Variants in ZNRF1 observed in about 807,000 individuals in gnomAD.
The protein encoded by ZNRF1 is zinc and ring finger 1.
A neutral mutation model predicts 18.4 loss-of-function variants in ZNRF1; 3 were observed. That is an observed-to-expected ratio of 0.16 (90% CI 0.07 to 0.42). The LOEUF (loss-of-function observed/expected upper bound fraction) is 0.42, where lower values mean the gene tolerates loss of function less well. Ranked by LOEUF, ZNRF1 falls within the 10% of genes least tolerant of loss-of-function variation. ZNRF1 has a pLI of 0.99. For synonymous variants in ZNRF1, 157 were observed against 144.2 expected (o/e 1.09, Z -0.64); for missense variants, 310 against 329.8 (o/e 0.94, Z 0.47).
chr16:75,093,681 C>G lies in ZNRF1; in HGVS notation c.520+14C>G, dbSNP rs781553854. On this transcript the variant is annotated intron_variant, in intron 2 of 4. Transcript: ENST00000335325. ...TCTCCTACAACGGTAAGGGCTTGGCCTGCCTCACCAGCCTCCAGAGCATCC... is the reference window on the plus strand; with the variant it reads ...TCTCCTACAACGGTAAGGGCTTGGCGTGCCTCACCAGCCTCCAGAGCATCC... The G allele has an allele frequency of 1.9e-6, 3 of 1,607,388 alleles. No individual in the cohort carries two copies. Among genetic ancestry groups the G allele is most frequent in the African/African-American group, 2.7e-5 (2 of 74,776 alleles).
intron 1 of ZNRF1, among the ~76,000 whole-genome samples, chr16:75,010,711 G>GTTTTTGTTTTTTTTTTTTTTTTTTT (rs2034986440): frequency 1.3e-5 from 1 of 74,324 alleles, no homozygotes; most frequent in Non-Finnish European, 3.1e-5. Flanking sequence ...GTTTTTTTTT[G>GTTTTTGTTTTTTTTTTTTTTTTTTT]TTTTTTTGTT....
At chr16:75,076,184 A>G (rs2035938756) in intron 1 of ZNRF1, among the ~76,000 whole-genome samples, 1 of 152,212 alleles carries the variant, frequency 6.6e-6, no homozygotes, top group Admixed American at 6.5e-5. Context: ...TGTTATTGAC[A>G]TATCTATTAT....
chr16:75,000,355 TC>T (rs1280255123), intron 1 of ZNRF1: 1 of 663,534 alleles, frequency 1.5e-6, no homozygotes, highest in East Asian at 3.0e-5. Context: ...CTATTGGAGT[TC>T]CATTTATTGG....
At chr16:75,040,006 A>G (rs2145360141) in intron 1 of ZNRF1, among the ~76,000 whole-genome samples, 1 of 151,144 alleles carries the variant, frequency 6.6e-6, no homozygotes, top group South Asian at 2.1e-4. Context: ...TAGTTATGAA[A>G]CCATCACTAA....
At chr16:75,070,231 T>C (rs8058799) in intron 1 of ZNRF1, among the ~76,000 whole-genome samples, 47,375 of 152,058 alleles carry the variant, frequency 0.31, 8,532 homozygotes, top group East Asian at 0.66. Context: ...GGGACCTTCA[T>C]GTTTGGCAGG....
chr16:75,071,311 G>T (rs1290332610), intron 1 of ZNRF1, among the ~76,000 whole-genome samples: 1 of 152,120 alleles, frequency 6.6e-6, no homozygotes, highest in African/African-American at 2.4e-5. Flanking sequence ...TGTTGGCCTG[G>T]CTGGTCTCGA....
intron 1 of ZNRF1, among the ~76,000 whole-genome samples, chr16:75,025,276 G>A (rs2035205885): frequency 6.6e-6 from 1 of 152,038 alleles, no homozygotes; most frequent in Non-Finnish European, 1.5e-5. Context: ...CACAGTGTTA[G>A]CCAGGATAGT....
chr16:75,096,512 A>AG (rs2036201668), intron 2 of ZNRF1, among the ~76,000 whole-genome samples: 1 of 152,166 alleles, frequency 6.6e-6, no homozygotes, highest in Admixed American at 6.6e-5. Context: ...ATTTAAAAAA[A>AG]GACTTAAGAG....
At chr16:75,049,457 G>T (rs944164479) in intron 1 of ZNRF1, among the ~76,000 whole-genome samples, 3 of 152,092 alleles carry the variant, frequency 2.0e-5, no homozygotes, top group Non-Finnish European at 2.9e-5. Flanking sequence ...CTCCCGAGCA[G>T]CTGGGACCAC....
At chr16:75,043,175 T>C (rs915505551) in intron 1 of ZNRF1, among the ~76,000 whole-genome samples, 2 of 152,212 alleles carry the variant, frequency 1.3e-5, no homozygotes, top group African/African-American at 2.4e-5. Context: ...TTTATACCAA[T>C]GAGTTTCTAA....
intron 1 of ZNRF1, among the ~76,000 whole-genome samples, chr16:75,029,242 G>C (rs538533945): frequency 6.6e-6 from 1 of 152,052 alleles, no homozygotes; most frequent in Non-Finnish European, 1.5e-5. Flanking sequence ...CACCTTCCGG[G>C]TTCACGCCAT....
chr16:75,074,181 G>A (rs1042687188), intron 1 of ZNRF1, among the ~76,000 whole-genome samples: 8 of 152,288 alleles, frequency 5.3e-5, no homozygotes, highest in South Asian at 2.1e-4. Context: ...GTCCGTGACC[G>A]TTGCTAGACC....
chr16:75,099,812 C>G (rs1179250732), intron 2 of ZNRF1, among the ~76,000 whole-genome samples: 1 of 152,146 alleles, frequency 6.6e-6, no homozygotes, highest in Admixed American at 6.5e-5. Context: ...GCAGCAGGTT[C>G]GTGTCAGATG....
intron 1 of ZNRF1, among the ~76,000 whole-genome samples, chr16:75,058,050 C>T (rs191833295): frequency 6.6e-6 from 1 of 152,114 alleles, no homozygotes; most frequent in Admixed American, 6.5e-5. Context: ...CGCATTCCAT[C>T]CTTTCTGGTC....
At chr16:75,073,146 C>CTCTCTCTCTGTCTCTG (rs146902791) in intron 1 of ZNRF1, among the ~76,000 whole-genome samples, 13 of 128,662 alleles carry the variant, frequency 1.0e-4, no homozygotes, top group African/African-American at 1.5e-4. Flanking sequence ...CTCTCTCTCT[C>CTCTCTCTCTGTCTCTG]TCTCTCTGTC....
chr16:75,093,454 G>T, intron 1 of ZNRF1, 118 bp from the exon 2 acceptor site: 1 of 721,480 alleles, frequency 1.4e-6, no homozygotes, highest in Non-Finnish European at 2.5e-6. Flanking sequence ...GGTCTGTTCT[G>T]ATGGTCATCC....
intron 1 of ZNRF1, 53 bp from the exon 2 acceptor site, chr16:75,093,519 G>A: frequency 1.4e-6 from 2 of 1,416,476 alleles, no homozygotes; most frequent in Non-Finnish European, 2.0e-6. Context: ...CACATGTACT[G>A]TGGATGTACT....
At chr16:75,015,921 C>CTT (rs368763105) in intron 1 of ZNRF1, among the ~76,000 whole-genome samples, 1,789 of 137,384 alleles carry the variant, frequency 0.013, 46 homozygotes, top group African/African-American at 0.041. Flanking sequence ...CTTTTCTTTT[C>CTT]TTTTTTTTTT....
chr16:75,066,089 A>C (rs746423586), intron 1 of ZNRF1, among the ~76,000 whole-genome samples: 1 of 152,216 alleles, frequency 6.6e-6, no homozygotes, highest in Non-Finnish European at 1.5e-5. Flanking sequence ...TTCCCATTCA[A>C]TTCCAGAAGT....
Sources: gnomAD v4.1 joint callset for allele counts (sites outside exome capture counted in the v4.1 genomes callset) on GRCh38, gnomAD v4.1.1 for gene constraint, MANE v1.5 for transcripts, NCBI Gene and HGNC (gene_info 2026-07-23, HGNC 2026-07-21) for gene names.